NAA11: variants seen among roughly 807,000 people sequenced by gnomAD.
NAA11 encodes N-alpha-acetyltransferase 11.
Under a neutral mutation model 16.1 loss-of-function variants are expected in NAA11, and 15 were observed. That is an observed-to-expected ratio of 0.93 (90% CI 0.62 to 1.44). NAA11 has a LOEUF of 1.44. NAA11 is among the 40% of genes most tolerant of loss of function. The probability of loss-of-function intolerance (pLI) is 0.00; values close to 1 mark genes in which losing one functional copy is unlikely to be tolerated. For missense variants in NAA11, 298 were observed against 291.3 expected, an observed-to-expected ratio of 1.02 and a Z score of -0.17; for synonymous variants, 122 against 112.4, an observed-to-expected ratio of 1.09 and a Z score of -0.54.
chr4:79,194,892 G>A, the NAA11 span, among the ~76,000 whole-genome samples: 1 of 152,070 alleles, frequency 6.6e-6, no homozygotes, highest in African/African-American at 2.4e-5. Context: ...CTTGCTCAGT[G>A]TCACACAAAT....
At chr4:79,267,547 G>A (rs1041529579) in intron 2 of NAA11, among the ~76,000 whole-genome samples, 12 of 152,104 alleles carry the variant, frequency 7.9e-5, no homozygotes, top group African/African-American at 2.9e-4. Context: ...CTATTTGAGT[G>A]GATGAAGTTT....
At chr4:79,295,310 T>C (rs1723184424) in intron 1 of NAA11, among the ~76,000 whole-genome samples, 1 of 152,214 alleles carries the variant, frequency 6.6e-6, no homozygotes, top group Non-Finnish European at 1.5e-5. Context: ...TTAGGACAAA[T>C]GTTCCAAGTC....
chr4:79,173,263 G>C, the NAA11 span, among the ~76,000 whole-genome samples: 212 of 152,234 alleles, frequency 1.4e-3, no homozygotes, highest in Non-Finnish European at 2.4e-3. Flanking sequence ...ATCTGTTGCA[G>C]TGCCAGTCTC....
chr4:79,232,976 G>A (rs1721498839), intron 2 of NAA11, among the ~76,000 whole-genome samples: 1 of 151,992 alleles, frequency 6.6e-6, no homozygotes, highest in Non-Finnish European at 1.5e-5. Flanking sequence ...CTGTAAAATG[G>A]TTATAATAAT....
At chr4:79,298,915 CTA>C (rs1371444853) in intron 1 of NAA11, 2 of 152,228 alleles carry the variant, frequency 1.3e-5, no homozygotes, top group African/African-American at 4.8e-5. Flanking sequence ...TTTTACTTGA[CTA>C]TATTTTATTT....
chr4:79,159,759 A>T, the NAA11 span, among the ~76,000 whole-genome samples: 2 of 152,116 alleles, frequency 1.3e-5, no homozygotes, highest in African/African-American at 4.8e-5. Context: ...TGTTTGTATA[A>T]ATATACCTTT....
chr4:79,200,532 A>G, the NAA11 span, among the ~76,000 whole-genome samples: 1 of 151,752 alleles, frequency 6.6e-6, no homozygotes, highest in African/African-American at 2.4e-5. Context: ...GCCTTCCTGA[A>G]AGAAGTGATA....
chr4:79,191,281 T>C, the NAA11 span, among the ~76,000 whole-genome samples: 3 of 152,050 alleles, frequency 2.0e-5, no homozygotes, highest in African/African-American at 4.8e-5. Flanking sequence ...TAATTTACAC[T>C]CCCACCAACA....
chr4:79,279,168 T>A (rs1296994451), intron 2 of NAA11, among the ~76,000 whole-genome samples: 1 of 152,162 alleles, frequency 6.6e-6, no homozygotes, highest in Non-Finnish European at 1.5e-5. Context: ...AAATATTTGT[T>A]TGATACAGAT....
the NAA11 span, among the ~76,000 whole-genome samples, chr4:79,180,077 A>G: frequency 6.6e-6 from 1 of 152,192 alleles, no homozygotes; most frequent in African/African-American, 2.4e-5. Context: ...CTCCCTTGAC[A>G]TGTGGGGATT....
chr4:79,196,947 G>A, the NAA11 span, among the ~76,000 whole-genome samples: 1 of 27,478 alleles, frequency 3.6e-5, no homozygotes, highest in Admixed American at 6.2e-4. Flanking sequence ...TTTGGAAGAT[G>A]AAAAAGACAA....
the NAA11 span, among the ~76,000 whole-genome samples, chr4:79,202,859 T>C: frequency 6.6e-6 from 1 of 150,834 alleles, no homozygotes; most frequent in Admixed American, 6.6e-5. Context: ...TTTAATGTAG[T>C]CTTCTTATTA....
intron 1 of NAA11, among the ~76,000 whole-genome samples, chr4:79,321,094 G>C (rs1365917193): frequency 1.3e-5 from 2 of 152,122 alleles, no homozygotes; most frequent in Non-Finnish European, 2.9e-5. Context: ...AGTTTTCCAC[G>C]CCCAAGTTTG....
intron 2 of NAA11, among the ~76,000 whole-genome samples, chr4:79,236,857 A>G (rs571922637): frequency 3.3e-5 from 5 of 152,300 alleles, no homozygotes; most frequent in African/African-American, 9.6e-5. Flanking sequence ...TGTATTGGTC[A>G]TAATGGTGCA....
the NAA11 span, among the ~76,000 whole-genome samples, chr4:79,156,656 C>T: frequency 3.3e-5 from 5 of 152,202 alleles, no homozygotes; most frequent in Non-Finnish European, 4.4e-5. Context: ...AACACCCTCA[C>T]ACAAACAACC....
At chr4:79,214,080 T>C in the NAA11 span, among the ~76,000 whole-genome samples, 2 of 152,172 alleles carry the variant, frequency 1.3e-5, no homozygotes, top group Admixed American at 1.3e-4. Flanking sequence ...AACACAGGAA[T>C]TGACAAATGT....
At chr4:79,293,475 T>C (rs756213598) in intron 2 of NAA11, among the ~76,000 whole-genome samples, 1 of 152,168 alleles carries the variant, frequency 6.6e-6, no homozygotes, top group African/African-American at 2.4e-5. Flanking sequence ...ATCAAGTCAA[T>C]TAATTTTCCC....
chr4:79,188,023 A>G, the NAA11 span, among the ~76,000 whole-genome samples: 2 of 141,958 alleles, frequency 1.4e-5, no homozygotes, highest in East Asian at 2.0e-4. Context: ...AAAAAAAAAA[A>G]GAAATACTTG....
the NAA11 span, among the ~76,000 whole-genome samples, chr4:79,195,535 T>C: frequency 6.6e-6 from 1 of 152,120 alleles, no homozygotes; most frequent in African/African-American, 2.4e-5. Flanking sequence ...TAAGCTAGTT[T>C]AATGCAACAC....
Sources: gnomAD v4.1 joint callset for allele counts (sites outside exome capture counted in the v4.1 genomes callset) on GRCh38, gnomAD v4.1.1 for gene constraint, MANE v1.5 for transcripts, NCBI Gene and HGNC (gene_info 2026-07-23, HGNC 2026-07-21) for gene names.